The following SCN9A variants were observed in gnomAD, a reference collection of about 807,000 sequenced individuals.
SCN9A encodes the protein sodium voltage-gated channel alpha subunit 9.
Under a neutral mutation model 187.0 loss-of-function variants are expected in SCN9A, and 131 were observed. The ratio of observed to expected loss-of-function variants is 0.70; its 90% CI spans 0.61 to 0.81. The LOEUF is 0.81. SCN9A is among the 30% of genes least tolerant of loss of function. The pLI, the probability that SCN9A is intolerant of heterozygous loss-of-function variation, is 0.00. For synonymous variants in SCN9A, 809 were observed against 808.6 expected (o/e 1.00, Z -0.01); for missense variants, 2,252 against 2,396.6 (o/e 0.94, Z 1.26).
At position 166,346,019 on chromosome 2, in the gene SCN9A, TGGA is replaced by T. The variant is rs529755984; in HGVS notation, c.-51+29675_-51+29677del. Among the ~76,000 whole-genome samples the T allele has an allele frequency of 3.4e-3, 522 of 152,272 alleles. 6 individuals carry two copies. The highest frequency in any genetic ancestry group is 0.012 in the African/African-American group (498 of 41,568). On this transcript the variant is annotated intron_variant, in intron 1 of 26. Transcript: ENST00000642356. ...GTCATCTGCCTTGAAACAACAAAGA[TGGA>T]GAAGAATACCTTACTGAAATATGAA...
chr2:166,317,372 ATCT>A (rs1699134622), intron 1 of SCN9A, among the ~76,000 whole-genome samples: 1 of 152,086 alleles, frequency 6.6e-6, no homozygotes, highest in Admixed American at 6.5e-5. Context: ...CTATGATTGT[ATCT>A]TCTTTAGAAT....
Position 166,286,557 on chromosome 2 carries a change from T to C in SCN9A, c.1381A>G (p.Ser461Gly). ...RRSRIMGLSE[S>G]SSETSKLSSK... is the part of the protein sequence containing the mutation. ...CTCAGTTTGGATGTTTCAGAAGAACTCTCTGAGAGGCCCATAATTCTGCTT... is the reference window on the plus strand; with the variant it reads ...CTCAGTTTGGATGTTTCAGAAGAACCCTCTGAGAGGCCCATAATTCTGCTT... Residue 461 changes from serine (S) to glycine (G), a missense_variant, in exon 11 of 27, where the codon AGT becomes GGT. Physicochemically the swap from Ser to Gly is moderately conservative, Grantham distance 56 (BLOSUM62 0). Coordinates refer to ENST00000642356, the MANE Select transcript of SCN9A (RefSeq NM_001365536.1). 6.2e-7 allele frequency: 1 copy of C among 1,605,844 alleles called. No homozygotes were observed. Among genetic ancestry groups the C allele is most frequent in the African/African-American group, 1.3e-5 (1 of 74,292 alleles).
At chr2:166,330,696 ATTAG>A (rs1403779435) in intron 1 of SCN9A, among the ~76,000 whole-genome samples, 26 of 152,296 alleles carry the variant, frequency 1.7e-4, no homozygotes, top group Non-Finnish European at 3.2e-4. Context: ...ATGATCAGGC[ATTAG>A]TTAGAGTCTC....
intron 1 of SCN9A, among the ~76,000 whole-genome samples, chr2:166,363,704 A>G (rs1029944636): frequency 6.6e-6 from 1 of 152,068 alleles, no homozygotes; most frequent in African/African-American, 2.4e-5. Context: ...AAAATCACCA[A>G]TGAATCACAG....
At position 166,272,479 on chromosome 2, in the gene SCN9A, T is replaced by C. The variant is rs202212176; in HGVS notation, c.3271A>G (p.Ile1091Val). The part of the protein sequence containing the change: ...HNPSLTVTVP[I>V]APGESDLENM... ...TCCAAATCGGATTCCCCAGGTGCAA[T>C]TGGCACTGTCACTGTGAGGCTGGGA... is the stretch of plus-strand genomic sequence containing the variant. The change falls in exon 17 of 27, where the codon ATT (isoleucine) becomes GTT (valine). Residue 1091 changes from isoleucine to valine, a missense_variant. Physicochemically the swap from Ile to Val is conservative, Grantham distance 29. Transcript: ENST00000642356. 9.1e-5 allele frequency: 147 copies of C among 1,612,792 alleles called. No individual in the cohort carries two copies. The highest frequency in any genetic ancestry group is 1.2e-4 in the Non-Finnish European group (136 of 1,179,474).
At chr2:166,289,864 T>C (rs1697961732) in intron 9 of SCN9A, among the ~76,000 whole-genome samples, 1 of 152,188 alleles carries the variant, frequency 6.6e-6, no homozygotes, top group Non-Finnish European at 1.5e-5. Context: ...TATCTCATTG[T>C]GGTTTTGAAT....
In SCN9A at chr2:166,198,768, T is replaced by G; in HGVS notation, c.5871A>C (p.Ser1957=). ...TGTCTGGCTTTGTTACACTATCATA[T>G]GAAGGTGGAGAGGTGGTGGATGAAG... The part of the protein sequence containing the change: ...DATSSTTSPP[S]YDSVTKPDKE... Residue 1957 remains serine, a synonymous_variant, in exon 27 of 27, where the codon TCA becomes TCC. Coordinates refer to ENST00000642356, the MANE Select transcript of SCN9A (RefSeq NM_001365536.1). 1 of 1,613,628 alleles carries G rather than the reference T, an allele frequency of 6.2e-7. No homozygotes were observed. Among genetic ancestry groups the G allele is most frequent in the Non-Finnish European group, 8.5e-7 (1 of 1,179,636 alleles).
Position 166,342,151 on chromosome 2 carries a change from C to T in SCN9A, c.-50-30345G>A, listed in dbSNP as rs192726587. Among the ~76,000 whole-genome samples, 502 of 152,182 alleles carry T rather than the reference C, an allele frequency of 3.3e-3. 4 individuals carry two copies. The highest frequency in any genetic ancestry group is 0.011 in the African/African-American group (456 of 41,520). On this transcript the variant is annotated intron_variant, in intron 1 of 26. Coordinates refer to ENST00000642356, the MANE Select transcript of SCN9A (RefSeq NM_001365536.1). ...ATGATGCCCTATAAATAGAGAAAAG[C>T]GCACAAACACATCAGCACGTATGTA... is the stretch of plus-strand genomic sequence containing the variant.
intron 1 of SCN9A, among the ~76,000 whole-genome samples, chr2:166,322,835 T>C (rs1388690931): frequency 6.6e-6 from 1 of 152,162 alleles, no homozygotes; most frequent in African/African-American, 2.4e-5. Flanking sequence ...GAATACTGGA[T>C]TCACTACTTA....
intron 26 of SCN9A, among the ~76,000 whole-genome samples, chr2:166,200,798 G>C (rs117587951): frequency 0.028 from 4,198 of 152,218 alleles, 455 homozygotes; most frequent in Admixed American, 0.2. Flanking sequence ...ACCACACCTG[G>C]TTAATTTTTG....
intron 1 of SCN9A, among the ~76,000 whole-genome samples, chr2:166,363,009 A>G (rs552743787): frequency 6.6e-6 from 1 of 152,096 alleles, no homozygotes; most frequent in Admixed American, 6.5e-5. Context: ...CCCCAGTGGG[A>G]AAAGGTATTG....
At chr2:166,236,344 A>T (rs1034908745) in intron 20 of SCN9A, among the ~76,000 whole-genome samples, 6 of 152,258 alleles carry the variant, frequency 3.9e-5, no homozygotes, top group South Asian at 2.1e-4. Flanking sequence ...TATGTTAAAA[A>T]TTTTTTCACA....
At position 166,228,862 on chromosome 2, in the gene SCN9A, G is replaced by A; in HGVS notation, c.4035C>T (p.Gly1345=). ...TGGTGTTAATACACTCATAGAACTT[G>A]CCAGCAAACAAATTTACTCCCATGA... ...FSIMGVNLFA[G]KFYECINTTD... is the part of the protein sequence containing the mutation. Residue 1345 remains glycine (G), a synonymous_variant, in exon 22 of 27, where the codon GGC becomes GGT. Transcript: ENST00000642356. The A allele has an allele frequency of 6.2e-7, 1 of 1,613,802 alleles. No homozygotes were observed. The highest frequency in any genetic ancestry group is 8.5e-7 in the Non-Finnish European group (1 of 1,179,754).
At chr2:166,281,847 C>G (rs745551632) in intron 12 of SCN9A, 39 bp from the exon 13 acceptor site, 1 of 1,565,882 alleles carries the variant, frequency 6.4e-7, no homozygotes, top group East Asian at 2.3e-5. Context: ...GAACAGAATC[C>G]TAATAAATTG....
chr2:166,278,123 C>A lies in SCN9A; in HGVS notation c.2517+17G>T. ...CCTTTATTATAGAATATAATGGCAA[C>A]CTTAGTTTATGTTTACCAGTCTGAA... is the stretch of plus-strand genomic sequence containing the variant. On this transcript the variant is annotated intron_variant, in intron 15 of 26. Transcript: ENST00000642356. 1.3e-6 allele frequency: 2 copies of A among 1,599,940 alleles called. No individual in the cohort carries two copies. Among genetic ancestry groups the A allele is most frequent in the Non-Finnish European group, 8.5e-7 (1 of 1,172,930 alleles).
At chr2:166,295,810 T>A (rs139846736) in intron 7 of SCN9A, among the ~76,000 whole-genome samples, 112 of 152,322 alleles carry the variant, frequency 7.4e-4, no homozygotes, top group African/African-American at 2.4e-3. Context: ...CAATGCAGAT[T>A]TTCCATGTTT....
At chr2:166,245,763 AGATT>A (rs1695758789) in intron 18 of SCN9A, among the ~76,000 whole-genome samples, 2 of 152,018 alleles carry the variant, frequency 1.3e-5, no homozygotes, top group Admixed American at 1.3e-4. Context: ...TATTTCTAAA[AGATT>A]GATCTCCTTT....
chr2:166,238,206 T>C lies in SCN9A; in HGVS notation c.3689A>G (p.Asp1230Gly), dbSNP rs758324004. ...KTIKIILEYA[D>G]KIFTYIFILE... ...AATGAAGATGTAAGTGAAGATCTTG[T>C]CTGCATACTCCAGGATAATCTTAAT... The change falls in exon 20 of 27, where the codon GAC (aspartate) becomes GGC (glycine). Residue 1230 changes from aspartate (D) to glycine (G), a missense_variant. By Grantham distance (94) the Asp-to-Gly change is moderately conservative. Coordinates refer to ENST00000642356, the MANE Select transcript of SCN9A (RefSeq NM_001365536.1). 1 of 1,605,184 alleles carries C rather than the reference T, an allele frequency of 6.2e-7. No individual in the cohort carries two copies. The highest frequency in any genetic ancestry group is 1.7e-5 in the Admixed American group (1 of 59,412).
chr2:166,286,897 T>C (rs934876457), intron 10 of SCN9A, among the ~76,000 whole-genome samples: 4 of 152,210 alleles, frequency 2.6e-5, no homozygotes, highest in African/African-American at 9.6e-5. Flanking sequence ...TTAAATATTA[T>C]ATGTTAAAGT....
Sources: allele counts gnomAD v4.1 joint callset (sites outside exome capture counted in the v4.1 genomes callset), GRCh38; gene constraint gnomAD v4.1.1; transcripts MANE v1.5; gene names NCBI Gene and HGNC (gene_info 2026-07-23, HGNC 2026-07-21).